The following XPR1 variants were observed in gnomAD, a reference collection of about 807,000 sequenced individuals.
The protein encoded by XPR1 is xenotropic and polytropic retrovirus receptor 1.
Under a neutral mutation model 87.5 loss-of-function variants are expected in XPR1, and 28 were observed. That is an observed-to-expected ratio of 0.32 (90% confidence interval 0.24 to 0.44). XPR1 has a LOEUF of 0.44. XPR1 is among the 20% of genes least tolerant of loss of function. The probability of loss-of-function intolerance (pLI) is 1.00; values close to 1 mark genes in which losing one functional copy is unlikely to be tolerated. For synonymous variants in XPR1, 300 were observed against 306.1 expected (o/e 0.98, Z 0.21); for missense variants, 559 against 862.3 (o/e 0.65, Z 4.41).
chr1:180,770,092 C>A (rs555334220), intron 2 of XPR1, among the ~76,000 whole-genome samples: 1 of 152,312 alleles, frequency 6.6e-6, no homozygotes, highest in East Asian at 1.9e-4. Flanking sequence ...GTCAGCATAT[C>A]TCTGTAGTTG....
At chr1:180,651,018 G>A (rs916134367) in intron 1 of XPR1, among the ~76,000 whole-genome samples, 9 of 151,824 alleles carry the variant, frequency 5.9e-5, no homozygotes, top group South Asian at 2.1e-4. Context: ...GTATTAGTAC[G>A]CAGTCTTTTT....
chr1:180,819,201 A>T (rs1355555232), intron 7 of XPR1, among the ~76,000 whole-genome samples: 1 of 152,102 alleles, frequency 6.6e-6, no homozygotes, highest in East Asian at 1.9e-4. Context: ...TGATCCTCCC[A>T]CTTTGGCCTC....
chr1:180,708,909 T>TGGGGGGG (rs34223946), intron 2 of XPR1, among the ~76,000 whole-genome samples: 4 of 23,740 alleles, frequency 1.7e-4, no homozygotes, highest in Non-Finnish European at 2.3e-4. Flanking sequence ...TTTTTTTTTT[T>TGGGGGGG]GGGGGGGGGG....
intron 7 of XPR1, among the ~76,000 whole-genome samples, chr1:180,814,895 G>A (rs973864179): frequency 6.6e-6 from 1 of 152,102 alleles, no homozygotes; most frequent in Admixed American, 6.5e-5. Flanking sequence ...GTTGGCCTGG[G>A]GTGGGGATGG....
At chr1:180,880,646 A>G (rs1652823867) in intron 14 of XPR1, among the ~76,000 whole-genome samples, 1 of 152,168 alleles carries the variant, frequency 6.6e-6, no homozygotes. Flanking sequence ...CCTGCCATCT[A>G]TGCCTTGACC....
At chr1:180,655,318 C>T (rs1158875801) in intron 1 of XPR1, among the ~76,000 whole-genome samples, 1 of 151,368 alleles carries the variant, frequency 6.6e-6, no homozygotes, top group Non-Finnish European at 1.5e-5. Flanking sequence ...GATATGAACC[C>T]CTTATCAGAT....
At chr1:180,834,413 G>T (rs1360672329) in intron 9 of XPR1, among the ~76,000 whole-genome samples, 1 of 152,174 alleles carries the variant, frequency 6.6e-6, no homozygotes, top group Non-Finnish European at 1.5e-5. Flanking sequence ...TTTAGTTAAT[G>T]GCTGACATGT....
At chr1:180,838,612 G>A (rs1315240392) in intron 11 of XPR1, among the ~76,000 whole-genome samples, 4 of 151,894 alleles carry the variant, frequency 2.6e-5, no homozygotes, top group South Asian at 2.1e-4. Flanking sequence ...ATTACCTTTC[G>A]GACATTTTTA....
At chr1:180,824,268 G>A (rs546049742) in intron 7 of XPR1, among the ~76,000 whole-genome samples, 2 of 152,268 alleles carry the variant, frequency 1.3e-5, no homozygotes, top group Admixed American at 6.5e-5. Context: ...ACCCACAGGC[G>A]ACTTTTTAAG....
intron 9 of XPR1, among the ~76,000 whole-genome samples, chr1:180,831,363 T>TTTTTC (rs58338852): frequency 0.52 from 48,450 of 93,418 alleles, 10,683 homozygotes; most frequent in South Asian, 0.59. Flanking sequence ...TTTCTTTTTC[T>TTTTTC]TTTTTTTTTT....
intron 2 of XPR1, among the ~76,000 whole-genome samples, chr1:180,692,169 T>G (rs940847673): frequency 1.3e-5 from 2 of 152,112 alleles, no homozygotes; most frequent in African/African-American, 4.8e-5. Context: ...CTTTTCTAAG[T>G]TCCATTTTTC....
chr1:180,684,519 G>A (rs1656696589), intron 2 of XPR1, among the ~76,000 whole-genome samples: 1 of 152,056 alleles, frequency 6.6e-6, no homozygotes, highest in South Asian at 2.1e-4. Context: ...TTCCAATTCT[G>A]TGAAGAAAGG....
At chr1:180,739,896 G>T (rs1229985351) in intron 2 of XPR1, among the ~76,000 whole-genome samples, 1 of 152,022 alleles carries the variant, frequency 6.6e-6, no homozygotes, top group Non-Finnish European at 1.5e-5. Flanking sequence ...GCTTTTGATG[G>T]AGATGGGGTT....
rs573656571 is a variant in XPR1 at position 180,748,480 on chromosome 1, G to A, written c.122-39273G>A. ...GTTGACCAGGCTGGAGTGCAATGGC[G>A]CCATCTCAGCTCACTGCAACCTCTG... On this transcript the variant is annotated intron_variant, in intron 2 of 14. Transcript: ENST00000367590. Among the ~76,000 whole-genome samples, 443 of 123,366 alleles carry A rather than the reference G, an allele frequency of 3.6e-3. 1 individual carries two copies. Among genetic ancestry groups the A allele is most frequent in the Admixed American group, 6.1e-3 (61 of 9,940 alleles). 80.9% of individuals were successfully genotyped at this position (123,366 alleles called of 152,430 possible).
intron 3 of XPR1, among the ~76,000 whole-genome samples, chr1:180,796,639 G>T (rs769228396): frequency 1.1e-4 from 16 of 152,076 alleles, no homozygotes; most frequent in Admixed American, 3.3e-4. Context: ...AATGATGATA[G>T]GCCACGCAAA....
At chr1:180,695,550 G>A (rs1311548856) in intron 2 of XPR1, among the ~76,000 whole-genome samples, 1 of 152,070 alleles carries the variant, frequency 6.6e-6, no homozygotes, top group Non-Finnish European at 1.5e-5. Flanking sequence ...TCTTCTGGTA[G>A]TTTTATAGTT....
intron 2 of XPR1, among the ~76,000 whole-genome samples, chr1:180,776,202 A>AATAG (rs56005822): frequency 0.44 from 66,654 of 151,540 alleles, 15,022 homozygotes; most frequent in Non-Finnish European, 0.47. Context: ...AATTTTCAAT[A>AATAG]ATCACCATGT....
At chr1:180,758,485 A>T (rs569743343) in intron 2 of XPR1, among the ~76,000 whole-genome samples, 11 of 152,292 alleles carry the variant, frequency 7.2e-5, no homozygotes, top group African/African-American at 2.6e-4. Context: ...AGGTGGGTGG[A>T]TCATTTGAGG....
intron 2 of XPR1, among the ~76,000 whole-genome samples, chr1:180,751,918 G>A (rs1252048174): frequency 6.6e-6 from 1 of 152,104 alleles, no homozygotes; most frequent in East Asian, 1.9e-4. Flanking sequence ...CATCAAGGAG[G>A]AAGGAGAAAG....
Sources: gnomAD v4.1 joint callset for allele counts (sites outside exome capture counted in the v4.1 genomes callset) on GRCh38, gnomAD v4.1.1 for gene constraint, MANE v1.5 for transcripts, NCBI Gene and HGNC (gene_info 2026-07-23, HGNC 2026-07-21) for gene names.